The following DLD variants were observed in gnomAD, a reference collection of about 807,000 sequenced individuals.
DLD encodes dihydrolipoamide dehydrogenase.
A neutral mutation model predicts 62.2 loss-of-function variants in DLD; 36 were observed. The observed-to-expected ratio is 0.58, with a 90% confidence interval of 0.44 to 0.76. The LOEUF (loss-of-function observed/expected upper bound fraction) is 0.76. DLD is among the 30% of genes least tolerant of loss of function. DLD has a pLI of 0.00. For synonymous variants in DLD, 204 were observed against 199.6 expected (o/e 1.02, Z -0.19); for missense variants, 541 against 608.6 (o/e 0.89, Z 1.17).
chr7:107,895,703 A>G lies in DLD; in HGVS notation c.118+2425A>G, dbSNP rs150970730. ...GTGACAGGGGTCCATAGACTTAAGC[A>G]TAGGGAGTAATGACATCTATATATG... On this transcript the variant is annotated intron_variant, in intron 2 of 13. Coordinates refer to ENST00000205402, the MANE Select transcript of DLD (RefSeq NM_000108.5). Among the ~76,000 whole-genome samples the G allele has an allele frequency of 1.5e-3, 227 of 152,374 alleles. 1 individual carries two copies. The South Asian group carries it at 0.018, about 12-fold the overall frequency.
At chr7:107,910,402 C>A (rs949478541) in intron 8 of DLD, among the ~76,000 whole-genome samples, 1 of 152,064 alleles carries the variant, frequency 6.6e-6, no homozygotes. Flanking sequence ...ATTTAGATAC[C>A]TGTTACTGTA....
intron 8 of DLD, among the ~76,000 whole-genome samples, chr7:107,914,562 G>T (rs1233511786): frequency 6.6e-6 from 1 of 152,076 alleles, no homozygotes; most frequent in African/African-American, 2.4e-5. Flanking sequence ...TATACGTATT[G>T]TTAGATTTTT....
intron 8 of DLD, among the ~76,000 whole-genome samples, chr7:107,909,343 C>A (rs1478968244): frequency 2.0e-5 from 3 of 152,100 alleles, no homozygotes; most frequent in African/African-American, 7.2e-5. Flanking sequence ...GCATGCAGTC[C>A]CATCATCTGA....
chr7:107,905,361 G>T lies in DLD; in HGVS notation c.439G>T (p.Val147Phe), dbSNP rs2031978218. The change falls in exon 7 of 14, where the codon GTT becomes TTT. Residue 147 changes from valine (V) to phenylalanine (F), a missense_variant and splice_region_variant. Physicochemically the swap from Val to Phe is conservative, Grantham distance 50. Coordinates refer to ENST00000205402, the MANE Select transcript of DLD (RefSeq NM_000108.5). ...AATTTATAAAGATTATTTTGTAAAG[G>T]TTGTTCATGTCAATGGATATGGAAA... is the stretch of plus-strand genomic sequence containing the variant. ...GIAHLFKQNK[V>F]VHVNGYGKIT... is the part of the protein sequence containing the mutation. 1 of 1,612,368 alleles carries T rather than the reference G, an allele frequency of 6.2e-7. No individual in the cohort carries two copies. Among genetic ancestry groups the T allele is most frequent in the Non-Finnish European group, 8.5e-7 (1 of 1,178,744 alleles).
intron 6 of DLD, 66 bp from the exon 7 acceptor site, chr7:107,905,295 C>T: frequency 1.4e-6 from 2 of 1,479,162 alleles, no homozygotes; most frequent in South Asian, 2.3e-5. Context: ...AGTAATTTTT[C>T]CTTTGAATGA....
intron 8 of DLD, 49 bp from the exon 9 acceptor site, chr7:107,915,457 T>C (rs2032243666): frequency 1.3e-6 from 2 of 1,574,046 alleles, no homozygotes; most frequent in Non-Finnish European, 1.7e-6. Context: ...TCGTAAACAT[T>C]TGCTATAGAA....
intron 8 of DLD, among the ~76,000 whole-genome samples, chr7:107,909,645 C>G (rs1244393176): frequency 1.3e-5 from 2 of 152,126 alleles, no homozygotes; most frequent in Non-Finnish European, 1.5e-5. Flanking sequence ...GTGGTAGTGT[C>G]TACTGATTGT....
In DLD at chr7:107,908,925, A is replaced by G. The variant is rs183939920; in HGVS notation, c.684+2557A>G. On this transcript the variant is annotated intron_variant, in intron 8 of 13. Transcript: ENST00000205402. ...ATCTCCATTGTTTTTCTTAATGTTT[A>G]GTACTTAGGTCTCCTAGACAGCAGG... Among the ~76,000 whole-genome samples, 6 of 152,272 alleles carry G rather than the reference A, an allele frequency of 3.9e-5. No individual in the cohort carries two copies. The East Asian group carries it at 7.7e-4, about 20-fold the overall frequency.
Position 107,918,027 on chromosome 7 carries a change from C to T in DLD, c.1340C>T (p.Thr447Ile). Residue 447 changes from threonine to isoleucine, a missense_variant, in exon 12 of 14, where the codon ACA (threonine) becomes ATA (isoleucine). Thr to Ile is a moderately conservative substitution (Grantham distance 89). Coordinates refer to ENST00000205402, the MANE Select transcript of DLD (RefSeq NM_000108.5). ...GMVKILGQKS[T>I]DRVLGAHILG... ...GTGAAGATCCTTGGGCAGAAATCGA[C>T]AGACAGAGTACTGGGAGCACATATT... 1.9e-6 allele frequency: 3 copies of T among 1,614,016 alleles called. No individual in the cohort carries two copies. The highest frequency in any genetic ancestry group is 1.1e-5 in the South Asian group (1 of 91,086).
intron 9 of DLD, 143 bp from the exon 10 acceptor site, chr7:107,916,651 A>G: frequency 1.2e-6 from 1 of 854,348 alleles, no homozygotes; most frequent in East Asian, 2.6e-5. Context: ...CAGTCTGGCG[A>G]CAGAGCAAGA....
At chr7:107,908,552 C>T (rs1191364921) in intron 8 of DLD, among the ~76,000 whole-genome samples, 1 of 151,568 alleles carries the variant, frequency 6.6e-6, no homozygotes, top group East Asian at 1.9e-4. Flanking sequence ...CCTGTAGTCC[C>T]AGCTACTCAG....
chr7:107,894,916 TTCA>T, intron 2 of DLD, among the ~76,000 whole-genome samples: 1 of 152,370 alleles, frequency 6.6e-6, no homozygotes, highest in Admixed American at 6.5e-5. Flanking sequence ...GAATGCAAAC[TTCA>T]TCAGGACAGG....
At chr7:107,891,389 G>C (rs111336428) in intron 1 of DLD, 100 bp downstream of exon 1, 1 of 953,152 alleles carries the variant, frequency 1.0e-6, no homozygotes, top group Non-Finnish European at 1.6e-6. Flanking sequence ...TGGCGGAGGC[G>C]GGCGCCTGGG....
intron 5 of DLD, chr7:107,903,791 C>T: frequency 2.9e-6 from 1 of 348,288 alleles, no homozygotes; most frequent in Non-Finnish European, 5.5e-6. Flanking sequence ...TCTTCTGTTC[C>T]TTTGCCAACT....
intron 2 of DLD, among the ~76,000 whole-genome samples, chr7:107,897,637 G>A (rs1172850225): frequency 1.4e-5 from 2 of 145,308 alleles, no homozygotes; most frequent in African/African-American, 5.3e-5. Context: ...GGGGTGCAAT[G>A]GTGCGATCTT....
intron 8 of DLD, among the ~76,000 whole-genome samples, chr7:107,913,829 T>A (rs2032201485): frequency 6.6e-6 from 1 of 152,202 alleles, no homozygotes; most frequent in African/African-American, 2.4e-5. Flanking sequence ...AGGAAAGGCT[T>A]TCAATTTTTT....
intron 8 of DLD, among the ~76,000 whole-genome samples, chr7:107,910,098 G>A (rs1055182326): frequency 4.0e-5 from 6 of 151,820 alleles, no homozygotes; most frequent in Non-Finnish European, 4.4e-5. Context: ...CTCATGATCC[G>A]TCTGCCTCGG....
rs1447480210 is a variant in DLD, at chr7:107,920,836, T to C, written c.*1577T>C. 6.6e-6 allele frequency: 1 copy of C among 152,280 alleles called. No homozygotes were observed. The highest frequency in any genetic ancestry group is 1.5e-5 in the Non-Finnish European group (1 of 68,056). The allele number at this position is 152,280 out of a possible 1,614,324, so 9.4% of individuals were successfully genotyped here. A position where few individuals can be genotyped will look rare whatever the true frequency, so the allele number is the denominator to read the frequency against. The stretch of plus-strand genomic sequence containing the variant: ...AACTTCCCTCTACTTTCCACTTGTT[T>C]ATAGTTGTTTCCAGTGCCTTTAGTT... On this transcript the variant is annotated 3_prime_UTR_variant, in exon 14 of 14. Transcript: ENST00000205402.
chr7:107,891,390 G>A, intron 1 of DLD, 101 bp downstream of exon 1: 1 of 1,345,610 alleles, frequency 7.4e-7, no homozygotes, highest in Non-Finnish European at 1.1e-6. Flanking sequence ...GGCGGAGGCG[G>A]GCGCCTGGGC....
Sources: allele counts gnomAD v4.1 joint callset (sites outside exome capture counted in the v4.1 genomes callset), GRCh38; gene constraint gnomAD v4.1.1; transcripts MANE v1.5; gene names NCBI Gene and HGNC (gene_info 2026-07-23, HGNC 2026-07-21).